CTIF: variants seen among roughly 807,000 people sequenced by gnomAD.
The protein encoded by CTIF is cap binding complex dependent translation initiation factor.
Under a neutral mutation model 66.0 loss-of-function variants are expected in CTIF, and 21 were observed. The ratio of observed to expected loss-of-function variants is 0.32; its 90% CI spans 0.23 to 0.46. The LOEUF is 0.46. CTIF is among the 20% of genes least tolerant of loss of function. The probability of loss-of-function intolerance (pLI) is 1.00; values close to 1 mark genes in which losing one functional copy is unlikely to be tolerated. For missense variants in CTIF, 739 were observed against 812.7 expected (o/e 0.91, Z 1.10); for synonymous variants, 345 against 326.4 (o/e 1.06, Z -0.62).
At chr18:48,811,077 T>A (rs963603095) in intron 9 of CTIF, among the ~76,000 whole-genome samples, 1 of 152,154 alleles carries the variant, frequency 6.6e-6, no homozygotes, top group South Asian at 2.1e-4. Context: ...TAGGAAATGT[T>A]GTGTGCTTTA....
At chr18:48,757,110 T>G (rs1041780055) in intron 7 of CTIF, among the ~76,000 whole-genome samples, 1 of 152,202 alleles carries the variant, frequency 6.6e-6, no homozygotes, top group African/African-American at 2.4e-5. Context: ...CTTCTGGGCA[T>G]GCAGCCTCCC....
intron 1 of CTIF, among the ~76,000 whole-genome samples, chr18:48,613,863 TC>T (rs1392199254): frequency 6.6e-6 from 1 of 152,072 alleles, no homozygotes; most frequent in Non-Finnish European, 1.5e-5. Flanking sequence ...ACACCGGCCC[TC>T]CCCTCCAGCT....
chr18:48,550,652 G>A (rs1249399710), intron 1 of CTIF, among the ~76,000 whole-genome samples: 1 of 152,126 alleles, frequency 6.6e-6, no homozygotes, highest in Non-Finnish European at 1.5e-5. Context: ...TCTGTGGGTT[G>A]CTAGAGCACT....
rs2068043496 is a variant in CTIF at position 48,801,259 on chromosome 18, T to C, written c.1372-15962T>C. Reference sequence around the variant, plus strand: ...CAGAAATGGCAGGCACAACAGTCACTTCCTGGTCTATAACCCCATATGGTC... The same window carrying C: ...CAGAAATGGCAGGCACAACAGTCACCTCCTGGTCTATAACCCCATATGGTC... On this transcript the variant is annotated intron_variant, in intron 9 of 11. Coordinates refer to ENST00000256413, the MANE Select transcript of CTIF (RefSeq NM_014772.3). Among the ~76,000 whole-genome samples the C allele has an allele frequency of 2.0e-5, 3 of 152,168 alleles. No individual in the cohort carries two copies. The South Asian group carries it at 6.2e-4, about 32-fold the overall frequency.
At chr18:48,842,098 C>T (rs950290331) in intron 10 of CTIF, among the ~76,000 whole-genome samples, 7 of 152,014 alleles carry the variant, frequency 4.6e-5, no homozygotes, top group African/African-American at 1.4e-4. Context: ...GTTGGAGAGA[C>T]GGGGACGTTC....
intron 6 of CTIF, among the ~76,000 whole-genome samples, chr18:48,675,503 C>T (rs919298120): frequency 3.9e-5 from 6 of 152,204 alleles, no homozygotes; most frequent in Admixed American, 3.3e-4. Flanking sequence ...CAGCCAAAGG[C>T]GTCTTCACCG....
intron 1 of CTIF, among the ~76,000 whole-genome samples, chr18:48,618,838 G>T (rs190321164): frequency 2.4e-4 from 36 of 152,358 alleles, no homozygotes; most frequent in African/African-American, 7.9e-4. Context: ...CCCTGTAAAG[G>T]TGACCAGGCA....
intron 7 of CTIF, among the ~76,000 whole-genome samples, chr18:48,726,761 T>G (rs981553687): frequency 6.6e-6 from 1 of 152,184 alleles, no homozygotes; most frequent in Non-Finnish European, 1.5e-5. Context: ...TCACATAGAC[T>G]AACCTTGGTA....
chr18:48,688,322 CCT>C (rs1344165296), intron 6 of CTIF: 3 of 152,196 alleles, frequency 2.0e-5, no homozygotes, highest in African/African-American at 7.2e-5. Context: ...CACCTCAGCC[CCT>C]GATGTGGAGG....
chr18:48,843,976 A>C (rs1416319737), intron 10 of CTIF, among the ~76,000 whole-genome samples: 2 of 152,244 alleles, frequency 1.3e-5, no homozygotes, highest in Non-Finnish European at 2.9e-5. Flanking sequence ...CATCTGGTAG[A>C]AAGATCAAAT....
intron 11 of CTIF, among the ~76,000 whole-genome samples, chr18:48,857,929 G>A (rs1424347890): frequency 6.6e-6 from 1 of 152,192 alleles, no homozygotes; most frequent in Non-Finnish European, 1.5e-5. Context: ...CCCAGCTCAG[G>A]CATGCCACAC....
At chr18:48,817,008 C>T (rs578126295) in intron 9 of CTIF, among the ~76,000 whole-genome samples, 1 of 152,188 alleles carries the variant, frequency 6.6e-6, no homozygotes, top group African/African-American at 2.4e-5. Context: ...TGTCCCCAAC[C>T]TGGGGACACC....
chr18:48,660,440 T>A (rs527840102), intron 3 of CTIF, among the ~76,000 whole-genome samples: 3 of 152,360 alleles, frequency 2.0e-5, no homozygotes, highest in African/African-American at 7.2e-5. Flanking sequence ...GTGGGCTTCC[T>A]CTGTAAAGAA....
At chr18:48,625,028 C>T (rs2090569484) in intron 2 of CTIF, among the ~76,000 whole-genome samples, 2 of 152,110 alleles carry the variant, frequency 1.3e-5, no homozygotes, top group South Asian at 4.1e-4. Context: ...GTGTTCAGAT[C>T]GGCTCAATGG....
rs542741164 is a variant in CTIF at position 48,624,863 on chromosome 18, G to T, written c.180+5118G>T. ...ACAGCATAGTTTCCAGTAAATTCTT[G>T]TTAAGGGGTCAAATTAAGAGCCAGT... On this transcript the variant is annotated intron_variant, in intron 2 of 11. Transcript: ENST00000256413. Among the ~76,000 whole-genome samples, 4 of 152,286 alleles carry T rather than the reference G, an allele frequency of 2.6e-5. No individual in the cohort carries two copies. The East Asian group carries it at 7.7e-4, about 29-fold the overall frequency.
chr18:48,575,450 T>A (rs2089509232), intron 1 of CTIF, among the ~76,000 whole-genome samples: 1 of 152,242 alleles, frequency 6.6e-6, no homozygotes, highest in South Asian at 2.1e-4. Flanking sequence ...CACTGCCGAC[T>A]TTAATTAGAT....
intron 10 of CTIF, among the ~76,000 whole-genome samples, chr18:48,848,000 G>A (rs1397439753): frequency 4.6e-5 from 7 of 152,276 alleles, no homozygotes; most frequent in South Asian, 2.1e-4. Context: ...TCCAGGTCCC[G>A]CAGAGGCACA....
chr18:48,842,108 CA>C (rs1218316794), intron 10 of CTIF, among the ~76,000 whole-genome samples: 1 of 152,138 alleles, frequency 6.6e-6, no homozygotes, highest in African/African-American at 2.4e-5. Flanking sequence ...CGGGGACGTT[CA>C]AGTAATGGAG....
At chr18:48,638,897 A>G (rs541083523) in intron 3 of CTIF, among the ~76,000 whole-genome samples, 2 of 152,374 alleles carry the variant, frequency 1.3e-5, no homozygotes, top group South Asian at 4.1e-4. Context: ...ATCACCTGAC[A>G]TGCCCAGAGG....
Sources: gnomAD v4.1 joint callset for allele counts (sites outside exome capture counted in the v4.1 genomes callset) on GRCh38, gnomAD v4.1.1 for gene constraint, MANE v1.5 for transcripts, NCBI Gene and HGNC (gene_info 2026-07-23, HGNC 2026-07-21) for gene names.